WDR41: variants seen among roughly 807,000 people sequenced by gnomAD.
WDR41 encodes WD repeat-containing protein 41.
Under a neutral mutation model 69.3 loss-of-function variants are expected in WDR41, and 63 were observed. That is an observed-to-expected ratio of 0.91 (90% CI 0.74 to 1.12). WDR41 has a LOEUF of 1.12. WDR41 is among the 50% of genes most tolerant of loss of function. The pLI, the probability that WDR41 is intolerant of heterozygous loss-of-function variation, is 0.00. For synonymous variants in WDR41, 185 were observed against 192.1 expected (o/e 0.96, Z 0.31); for missense variants, 543 against 534.5 (o/e 1.02, Z -0.16).
rs1042624892 is a variant in WDR41, at chr5:77,451,206, T to C, written c.586+85A>G. 17 of 1,341,500 alleles carry C rather than the reference T, an allele frequency of 1.3e-5. No individual in the cohort carries two copies. In the African/African-American group the frequency reaches 2.5e-4, roughly 20 times the overall value. The allele number at this position is 1,341,500 out of a possible 1,614,324, so 83.1% of individuals were successfully genotyped here. ...AAGAGTGGGGCACACGCAATGTCCC[T>C]TAAATAAAAAATTACTTTAGTCCTT... On this transcript the variant is annotated intron_variant, in intron 7 of 12. Coordinates refer to ENST00000296679, the MANE Select transcript of WDR41 (RefSeq NM_018268.4).
chr5:77,498,310 A>T (rs1002056007), intron 1 of WDR41, among the ~76,000 whole-genome samples: 2 of 151,766 alleles, frequency 1.3e-5, no homozygotes, highest in Non-Finnish European at 2.9e-5. Context: ...ACCAAAATAA[A>T]GCCACATATA....
At chr5:77,562,779 T>TG (rs1035617819) in intron 1 of WDR41, among the ~76,000 whole-genome samples, 2 of 152,174 alleles carry the variant, frequency 1.3e-5, no homozygotes, top group Non-Finnish European at 2.9e-5. Flanking sequence ...ACTTGGGCCT[T>TG]GGTGAGAGTA....
rs1484431705 is a variant in WDR41, at chr5:77,438,360, T to C, written c.884A>G (p.Asn295Ser). Residue 295 changes from asparagine (N) to serine (S), a missense_variant and splice_region_variant, in exon 10 of 13, where the codon AAT becomes AGT. By Grantham distance (46) the Asn-to-Ser change is conservative. Transcript: ENST00000296679. Reference protein sequence around the residue: ...SIHHFTCDEENVFAAVGRGLY... With the variant: ...SIHHFTCDEESVFAAVGRGLY... ...ACCCCTTCCAACTGCAGCAAATACA[T>C]TCTAGGGGAAGAAGTTCAGAAATGG... The C allele has an allele frequency of 6.2e-7, 1 of 1,613,782 alleles. No individual in the cohort carries two copies. Among genetic ancestry groups the C allele is most frequent in the Non-Finnish European group, 8.5e-7 (1 of 1,179,764 alleles).
intron 4 of WDR41, among the ~76,000 whole-genome samples, chr5:77,461,827 T>A (rs1341119798): frequency 6.6e-6 from 1 of 150,654 alleles, no homozygotes; most frequent in African/African-American, 2.4e-5. Context: ...AACAGTGAGA[T>A]TCTGTCTAAA....
chr5:77,461,663 C>T (rs1800068697), intron 4 of WDR41, among the ~76,000 whole-genome samples: 1 of 152,016 alleles, frequency 6.6e-6, no homozygotes, highest in African/African-American at 2.4e-5. Flanking sequence ...TGGTGAAACC[C>T]CGTCTCTACT....
chr5:77,454,026 T>C (rs1379508020), intron 5 of WDR41, 98 bp from the exon 6 acceptor site: 2 of 866,434 alleles, frequency 2.3e-6, no homozygotes, highest in African/African-American at 3.4e-5. Context: ...ACCCCTTCCT[T>C]CACTAGGTGG....
intron 2 of WDR41, among the ~76,000 whole-genome samples, chr5:77,486,061 T>C (rs1054624334): frequency 6.6e-6 from 1 of 152,190 alleles, no homozygotes; most frequent in African/African-American, 2.4e-5. Flanking sequence ...ATAATGTACA[T>C]ATGCAATGGT....
At chr5:77,577,484 A>T (rs1305397541) in intron 1 of WDR41, among the ~76,000 whole-genome samples, 1 of 152,180 alleles carries the variant, frequency 6.6e-6, no homozygotes, top group East Asian at 1.9e-4. Flanking sequence ...CAGAATTGCA[A>T]AATATTATTA....
At chr5:77,550,049 A>T (rs993018094) in intron 1 of WDR41, among the ~76,000 whole-genome samples, 2 of 151,504 alleles carry the variant, frequency 1.3e-5, no homozygotes, top group Non-Finnish European at 1.5e-5. Context: ...TAACCAGAAG[A>T]AAAAAAAAGG....
At chr5:77,495,458 G>A (rs1178564307), upstream of WDR41, among the ~76,000 whole-genome samples, 2 of 151,942 alleles carry the variant, frequency 1.3e-5, no homozygotes, top group Non-Finnish European at 2.9e-5. Flanking sequence ...TACTGACTTT[G>A]CAGAGAGAAA....
Position 77,436,339 on chromosome 5 carries a change from A to T in WDR41, c.1149T>A (p.Val383=). ...GRVSKQASQP[V]KKQQENATSC... is the part of the protein sequence containing the mutation. The stretch of plus-strand genomic sequence containing the variant: ...AAGTAGCATTTTCTTGCTGCTTTTT[A>T]ACAGGTTGGCTGGCTTGTTTGCTGA... Residue 383 remains valine, a synonymous_variant, in exon 12 of 13, where the codon GTT becomes GTA. Transcript: ENST00000296679. 1.2e-6 allele frequency: 2 copies of T among 1,614,142 alleles called. No individual in the cohort carries two copies. The highest frequency in any genetic ancestry group is 1.7e-6 in the Non-Finnish European group (2 of 1,179,990).
rs147597901 is a variant in WDR41, at chr5:77,564,472, G to A, written c.42+56007C>T. Among the ~76,000 whole-genome samples the A allele has an allele frequency of 1.3e-3, 204 of 152,184 alleles. 1 individual carries two copies. Among genetic ancestry groups the A allele is most frequent in the African/African-American group, 4.6e-3 (193 of 41,534 alleles). ...ATCCCATTAAGACTTCATGGACAGC[G>A]TTCAGATGATCAACATAGTTTTGTC... is the stretch of plus-strand genomic sequence containing the variant. On this transcript the variant is annotated intron_variant, in intron 1 of 5. Transcript: ENST00000509971.
chr5:77,450,658 A>C (rs2151304213), intron 7 of WDR41, among the ~76,000 whole-genome samples: 1 of 152,326 alleles, frequency 6.6e-6, no homozygotes, highest in East Asian at 1.9e-4. Flanking sequence ...CTTGTTTATA[A>C]ACAGGCTTAC....
chr5:77,482,347 C>T (rs565579281), intron 2 of WDR41, among the ~76,000 whole-genome samples: 2 of 152,254 alleles, frequency 1.3e-5, no homozygotes, highest in South Asian at 2.1e-4. Context: ...TTTAGCTGAT[C>T]GTAATTTTTT....
intron 2 of WDR41, among the ~76,000 whole-genome samples, chr5:77,465,909 C>A (rs1407846589): frequency 6.6e-6 from 1 of 151,938 alleles, no homozygotes; most frequent in African/African-American, 2.4e-5. Context: ...ACACTCCAAA[C>A]TGAGTTTCAT....
intron 10 of WDR41, among the ~76,000 whole-genome samples, 170 bp downstream of exon 10, chr5:77,438,070 C>G (rs904365030): frequency 6.6e-6 from 1 of 151,846 alleles, no homozygotes; most frequent in Non-Finnish European, 1.5e-5. Flanking sequence ...CTGTAATATA[C>G]TGCCACATAC....
At chr5:77,536,979 A>C (rs1742998712) in intron 1 of WDR41, among the ~76,000 whole-genome samples, 2 of 152,256 alleles carry the variant, frequency 1.3e-5, no homozygotes, top group South Asian at 2.1e-4. Flanking sequence ...TTCTCTATGG[A>C]AACCTGACTG....
chr5:77,603,218 G>A (rs1021408788), intron 1 of WDR41, among the ~76,000 whole-genome samples: 10 of 152,182 alleles, frequency 6.6e-5, no homozygotes, highest in Admixed American at 2.6e-4. Flanking sequence ...TTACAGGCAT[G>A]AGCCACTGCG....
chr5:77,610,098 G>T (rs1468646622), intron 1 of WDR41, among the ~76,000 whole-genome samples: 1 of 152,080 alleles, frequency 6.6e-6, no homozygotes, highest in Non-Finnish European at 1.5e-5. Context: ...GAGAAGGGAA[G>T]TTTAGAGAAA....
Sources: allele counts gnomAD v4.1 joint callset (sites outside exome capture counted in the v4.1 genomes callset), GRCh38; gene constraint gnomAD v4.1.1; transcripts MANE v1.5; gene names NCBI Gene and HGNC (gene_info 2026-07-23, HGNC 2026-07-21).